Variants in HS6ST3 observed in about 807,000 individuals in gnomAD.
HS6ST3 encodes the protein heparan sulfate 6-O-sulfotransferase 3.
HS6ST3 carries 12 observed loss-of-function variants against 36.7 expected under a neutral mutation model. The ratio of observed to expected loss-of-function variants is 0.33; its 90% CI spans 0.21 to 0.53. HS6ST3 has a LOEUF of 0.53. HS6ST3 is among the 20% of genes least tolerant of loss of function. The pLI is 0.95. For missense variants in HS6ST3, 584 were observed against 640.9 expected (o/e 0.91, Z 0.96); for synonymous variants, 240 against 257.5 (o/e 0.93, Z 0.65).
intron 1 of HS6ST3, among the ~76,000 whole-genome samples, chr13:96,425,967 G>A (rs2055584823): frequency 6.6e-6 from 1 of 151,742 alleles, no homozygotes; most frequent in South Asian, 2.1e-4. Flanking sequence ...TGCTGTGGAT[G>A]TTTCAAAGGA....
chr13:96,360,745 G>C (rs1428720227), intron 1 of HS6ST3, among the ~76,000 whole-genome samples: 1 of 151,454 alleles, frequency 6.6e-6, no homozygotes, highest in Non-Finnish European at 1.5e-5. Context: ...TCAGGAGTTT[G>C]AGACCAGCCA....
chr13:96,104,777 C>T (rs955008205), intron 1 of HS6ST3, among the ~76,000 whole-genome samples: 19 of 152,294 alleles, frequency 1.2e-4, no homozygotes, highest in African/African-American at 3.4e-4. Context: ...GGCTCTTGGC[C>T]GTGTTTTCCC....
intron 1 of HS6ST3, among the ~76,000 whole-genome samples, chr13:96,678,246 C>G (rs771027939): frequency 9.2e-5 from 14 of 152,170 alleles, no homozygotes; most frequent in Admixed American, 2.6e-4. Flanking sequence ...GAACATGGAG[C>G]CTTCATGGTC....
intron 1 of HS6ST3, among the ~76,000 whole-genome samples, chr13:96,691,574 T>C (rs1445626424): frequency 6.6e-6 from 1 of 151,924 alleles, no homozygotes; most frequent in Non-Finnish European, 1.5e-5. Context: ...TTTTATCTTA[T>C]TTTATTTTTC....
chr13:96,345,197 G>C (rs976345926), intron 1 of HS6ST3, among the ~76,000 whole-genome samples: 2 of 152,156 alleles, frequency 1.3e-5, no homozygotes, highest in African/African-American at 4.8e-5. Context: ...TCCTTAGAGT[G>C]AGCTCATAGT....
At chr13:96,345,947 A>G (rs778139751) in intron 1 of HS6ST3, among the ~76,000 whole-genome samples, 38 of 152,354 alleles carry the variant, frequency 2.5e-4, no homozygotes, top group Middle Eastern at 3.4e-3. Flanking sequence ...CCCATGGGCC[A>G]CAGGTTGGAC....
chr13:96,832,584 C>A lies in HS6ST3; in HGVS notation c.802C>A (p.Leu268Ile), dbSNP rs748546537. Residue 268 changes from leucine (L) to isoleucine (I), a missense_variant, in exon 2 of 2, where the codon CTT becomes ATT. Around this residue, in one of 3 missense-constraint regions of HS6ST3, gnomAD observed 360 missense variants for 411.3 expected, o/e 0.88. Transcript: ENST00000376705. ...VQRGATWKTS[L>I]HMCDGRSPTP... ...GAGAGGGGCCACTTGGAAAACCTCTCTTCATATGTGTGATGGAAGAAGCCC... is the reference window on the plus strand; with the variant it reads ...GAGAGGGGCCACTTGGAAAACCTCTATTCATATGTGTGATGGAAGAAGCCC... 6.2e-7 allele frequency: 1 copy of A among 1,613,972 alleles called. No homozygotes were observed. The highest frequency in any genetic ancestry group is 8.5e-7 in the Non-Finnish European group (1 of 1,179,988).
At chr13:96,409,937 G>A (rs1327879418) in intron 1 of HS6ST3, among the ~76,000 whole-genome samples, 2 of 151,940 alleles carry the variant, frequency 1.3e-5, no homozygotes, top group African/African-American at 2.4e-5. Context: ...AATTTTAGTG[G>A]GAAAAAAGTT....
intron 1 of HS6ST3, among the ~76,000 whole-genome samples, chr13:96,098,734 G>A (rs995424755): frequency 2.6e-5 from 4 of 152,160 alleles, no homozygotes. Flanking sequence ...GTCACTTACT[G>A]TCACGTGGCC....
intron 1 of HS6ST3, among the ~76,000 whole-genome samples, chr13:96,521,674 A>G (rs2056094088): frequency 6.6e-6 from 1 of 152,154 alleles, no homozygotes; most frequent in Non-Finnish European, 1.5e-5. Flanking sequence ...GGTAGTTTGT[A>G]TTCCTGTGGG....
chr13:96,742,882 A>G (rs9582060), intron 1 of HS6ST3, among the ~76,000 whole-genome samples: 69,806 of 151,790 alleles, frequency 0.46, 16,320 homozygotes, highest in African/African-American at 0.55. Context: ...TGATGCTACA[A>G]TCTAAGTCCA....
At chr13:96,644,327 G>T (rs566203173) in intron 1 of HS6ST3, among the ~76,000 whole-genome samples, 5 of 152,014 alleles carry the variant, frequency 3.3e-5, no homozygotes, top group African/African-American at 1.2e-4. Context: ...ATATAGATTC[G>T]GGGTCATATG....
At chr13:96,369,129 T>A (rs1359657333) in intron 1 of HS6ST3, among the ~76,000 whole-genome samples, 2 of 152,106 alleles carry the variant, frequency 1.3e-5, no homozygotes, top group Non-Finnish European at 2.9e-5. Context: ...ATAATCTTGA[T>A]GGCATGATAT....
At chr13:96,301,907 A>T (rs2054884668) in intron 1 of HS6ST3, among the ~76,000 whole-genome samples, 1 of 139,692 alleles carries the variant, frequency 7.2e-6, no homozygotes, top group South Asian at 2.2e-4. Flanking sequence ...CTATAATAAT[A>T]ATAATAATAA....
intron 1 of HS6ST3, among the ~76,000 whole-genome samples, chr13:96,456,620 C>T (rs960099218): frequency 1.3e-5 from 2 of 152,118 alleles, no homozygotes; most frequent in African/African-American, 4.8e-5. Flanking sequence ...GATAGTTTCA[C>T]TTCTACTTTA....
chr13:96,359,486 G>C (rs2055226828), intron 1 of HS6ST3, among the ~76,000 whole-genome samples: 1 of 152,144 alleles, frequency 6.6e-6, no homozygotes, highest in South Asian at 2.1e-4. Context: ...ACCATTAACA[G>C]CCTAACAAAG....
At chr13:96,360,190 G>C (rs2139435460) in intron 1 of HS6ST3, among the ~76,000 whole-genome samples, 1 of 152,156 alleles carries the variant, frequency 6.6e-6, no homozygotes, top group Admixed American at 6.5e-5. Context: ...CAGCAGCAGG[G>C]GACCTTCCTT....
chr13:96,099,937 A>G (rs1297549799), intron 1 of HS6ST3, among the ~76,000 whole-genome samples: 5 of 152,218 alleles, frequency 3.3e-5, no homozygotes, highest in Non-Finnish European at 7.4e-5. Flanking sequence ...AAAGAAAGAC[A>G]TGTGGTAACT....
intron 1 of HS6ST3, among the ~76,000 whole-genome samples, chr13:96,767,167 C>T (rs1199981525): frequency 6.6e-6 from 1 of 152,212 alleles, no homozygotes; most frequent in Non-Finnish European, 1.5e-5. Flanking sequence ...ATATCTACGA[C>T]AGGACAATAC....
Sources: gnomAD v4.1 joint callset for allele counts (sites outside exome capture counted in the v4.1 genomes callset) on GRCh38, gnomAD v4.1.1 for gene constraint, gnomAD v4.1.1 regional missense constraint, MANE v1.5 for transcripts, NCBI Gene and HGNC (gene_info 2026-07-23, HGNC 2026-07-21) for gene names.